The following APBA2 variants were observed in gnomAD, a reference collection of about 807,000 sequenced individuals.
APBA2 encodes the protein amyloid-beta A4 precursor protein-binding family A member 2.
In APBA2, 30 loss-of-function variants were observed where a neutral mutation model predicts 75.0. The ratio of observed to expected loss-of-function variants is 0.40; its 90% confidence interval spans 0.30 to 0.54. APBA2 has a LOEUF of 0.54. Ranked by LOEUF, APBA2 falls within the 20% of genes least tolerant of loss-of-function variation. The pLI, the probability that APBA2 is intolerant of heterozygous loss-of-function variation, is 0.49. For synonymous variants in APBA2, 444 were observed against 409.6 expected (o/e 1.08, Z -1.01); for missense variants, 801 against 1,016.1 (o/e 0.79, Z 2.88).
chr15:29,053,732 C>A, intron 3 of APBA2, 113 bp from the exon 4 acceptor site: 1 of 660,358 alleles, frequency 1.5e-6, no homozygotes, highest in Non-Finnish European at 2.6e-6. Context: ...AACAGATGTG[C>A]CCTCACATGG....
chr15:28,888,758 G>C (rs1418782339), intron 1 of APBA2, among the ~76,000 whole-genome samples: 2 of 152,106 alleles, frequency 1.3e-5, no homozygotes, highest in South Asian at 4.1e-4. Flanking sequence ...GTGGCGGGCG[G>C]TCCTGGCTGT....
chr15:29,106,893 C>G, intron 12 of APBA2, 74 bp downstream of exon 12: 1 of 1,404,408 alleles, frequency 7.1e-7, no homozygotes, highest in Non-Finnish European at 1.0e-6. Context: ...TGCTGCAATC[C>G]CCACTTCACT....
intron 2 of APBA2, among the ~76,000 whole-genome samples, chr15:28,989,506 G>C (rs1288611823): frequency 6.6e-6 from 1 of 152,220 alleles, no homozygotes; most frequent in Non-Finnish European, 1.5e-5. Context: ...CATGGCCAGA[G>C]CTGGAGCTCA....
chr15:29,084,799 C>T (rs1371045039), intron 6 of APBA2, among the ~76,000 whole-genome samples: 1 of 152,160 alleles, frequency 6.6e-6, no homozygotes, highest in Non-Finnish European at 1.5e-5. Context: ...AAGAATCTGT[C>T]ATTTATCCTG....
chr15:29,114,499 G>A (rs984192587), intron 14 of APBA2, among the ~76,000 whole-genome samples: 2 of 152,168 alleles, frequency 1.3e-5, no homozygotes, highest in African/African-American at 2.4e-5. Context: ...CAAGGAGGCA[G>A]GATCATTGGG....
At chr15:28,932,792 TC>T (rs780150048) in intron 2 of APBA2, among the ~76,000 whole-genome samples, 13 of 152,188 alleles carry the variant, frequency 8.5e-5, no homozygotes, top group Non-Finnish European at 1.3e-4. Flanking sequence ...GGAATTCTTA[TC>T]CCCAAAGTGA....
At chr15:29,034,995 A>C (rs1028176022) in intron 3 of APBA2, among the ~76,000 whole-genome samples, 3 of 152,220 alleles carry the variant, frequency 2.0e-5, no homozygotes, top group African/African-American at 7.2e-5. Flanking sequence ...GATGACTTCC[A>C]CCCACAGGCT....
At chr15:29,009,940 C>T (rs960835059) in intron 3 of APBA2, among the ~76,000 whole-genome samples, 1 of 152,196 alleles carries the variant, frequency 6.6e-6, no homozygotes, top group Non-Finnish European at 1.5e-5. Flanking sequence ...GGGTAGGTCA[C>T]AGGGTCTGGG....
intron 3 of APBA2, among the ~76,000 whole-genome samples, chr15:29,035,708 C>T (rs904083273): frequency 3.3e-5 from 5 of 152,136 alleles, no homozygotes; most frequent in Non-Finnish European, 7.4e-5. Flanking sequence ...CCGTGACGTG[C>T]GGGCCCTGGA....
chr15:29,116,138 C>T (rs2045113320), intron 14 of APBA2, among the ~76,000 whole-genome samples: 2 of 152,190 alleles, frequency 1.3e-5, no homozygotes, highest in Non-Finnish European at 2.9e-5. Context: ...GCGCGCCACC[C>T]ACACGGTTGG....
chr15:28,927,591 T>A (rs113161517), intron 2 of APBA2, among the ~76,000 whole-genome samples: 68 of 151,820 alleles, frequency 4.5e-4, no homozygotes, highest in African/African-American at 1.4e-3. Flanking sequence ...TTATTATTTT[T>A]TTATTTTTAT....
intron 8 of APBA2, among the ~76,000 whole-genome samples, chr15:29,098,246 G>A (rs1348065631): frequency 6.6e-6 from 1 of 152,126 alleles, no homozygotes; most frequent in Non-Finnish European, 1.5e-5. Context: ...CACAGTGGCT[G>A]CACTGATTCA....
chr15:29,012,658 G>A (rs1180762678), intron 3 of APBA2, among the ~76,000 whole-genome samples: 2 of 152,072 alleles, frequency 1.3e-5, no homozygotes, highest in Admixed American at 6.5e-5. Flanking sequence ...AACCAGTATT[G>A]CATTATTAAT....
chr15:28,924,968 G>T (rs1044928604), intron 2 of APBA2, among the ~76,000 whole-genome samples: 2 of 152,014 alleles, frequency 1.3e-5, no homozygotes, highest in Admixed American at 1.3e-4. Context: ...CCAGTCTATG[G>T]GTGGGAAGTG....
At position 29,098,623 on chromosome 15, in the gene APBA2, C is replaced by T. The variant is rs146665675; in HGVS notation, c.1338+47C>T. ...TCAAAATCAGGTAAACTCCTAAGTT[C>T]GACTCCTTCTTGTCCCATGGTATAG... On this transcript the variant is annotated intron_variant, in intron 9 of 14. Coordinates refer to ENST00000683413, the MANE Select transcript of APBA2 (RefSeq NM_001353788.2). 243 of 1,470,518 alleles carry T rather than the reference C, an allele frequency of 1.7e-4. No homozygotes were observed. The African/African-American group carries it at 2.9e-3, about 18-fold the overall frequency. 91.1% of individuals were successfully genotyped at this position (1,470,518 alleles called of 1,614,324 possible).
intron 1 of APBA2, among the ~76,000 whole-genome samples, chr15:28,907,524 T>C (rs2033190341): frequency 6.6e-6 from 1 of 152,176 alleles, no homozygotes; most frequent in South Asian, 2.1e-4. Context: ...GTCCGTGGGC[T>C]CCCCAGTTGG....
chr15:29,068,748 CA>C (rs938890550), intron 4 of APBA2, among the ~76,000 whole-genome samples: 1 of 152,236 alleles, frequency 6.6e-6, no homozygotes, highest in Non-Finnish European at 1.5e-5. Context: ...TAGCTCAGTA[CA>C]AGCTGGCGGA....
At chr15:29,033,750 G>C (rs2040600946) in intron 3 of APBA2, among the ~76,000 whole-genome samples, 1 of 152,104 alleles carries the variant, frequency 6.6e-6, no homozygotes, top group African/African-American at 2.4e-5. Flanking sequence ...CACGAGGTCA[G>C]GAGATCGAGA....
chr15:29,021,703 G>T (rs762508794), intron 3 of APBA2, among the ~76,000 whole-genome samples: 4 of 152,154 alleles, frequency 2.6e-5, no homozygotes, highest in Non-Finnish European at 5.9e-5. Flanking sequence ...GTACAATACA[G>T]TGTTGTTAGC....
Sources: allele counts gnomAD v4.1 joint callset (sites outside exome capture counted in the v4.1 genomes callset), GRCh38; gene constraint gnomAD v4.1.1; transcripts MANE v1.5; gene names NCBI Gene and HGNC (gene_info 2026-07-23, HGNC 2026-07-21).